SUZ12: variants seen among roughly 807,000 people sequenced by gnomAD.
The protein encoded by SUZ12 is SUZ12 polycomb repressive complex 2 subunit.
Under a neutral mutation model 87.3 loss-of-function variants are expected in SUZ12, and 17 were observed. That is an observed-to-expected ratio of 0.19 (90% CI 0.13 to 0.29). SUZ12 has a LOEUF of 0.29. Among genes scored for constraint, SUZ12 ranks in the 10% least tolerant of loss-of-function variants. The pLI, the probability that SUZ12 is intolerant of heterozygous loss-of-function variation, is 1.00. For missense variants in SUZ12, 526 were observed against 912.2 expected (o/e 0.58, Z 5.45); for synonymous variants, 253 against 312.4 (o/e 0.81, Z 2.01).
intron 14 of SUZ12, 100 bp downstream of exon 14, chr17:31,995,862 T>TTAAAAAAAAAA: frequency 1.4e-6 from 1 of 701,232 alleles, no homozygotes; most frequent in Non-Finnish European, 2.2e-6. Context: ...GAACTTTTTT[T>TTAAAAAAAAAA]AAAAAAAAAA....
At chr17:31,956,475 C>T (rs1317894637) in intron 4 of SUZ12, among the ~76,000 whole-genome samples, 3 of 152,140 alleles carry the variant, frequency 2.0e-5, no homozygotes, top group Admixed American at 6.6e-5. Context: ...AGGCATAAGC[C>T]GCCGCACCCA....
rs778244387 is a variant in SUZ12 at position 31,996,792 on chromosome 17, T to C, written c.1795-6T>C. 6.5e-7 allele frequency: 1 copy of C among 1,536,450 alleles called. No homozygotes were observed. Among genetic ancestry groups the C allele is most frequent in the Non-Finnish European group, 8.7e-7 (1 of 1,153,134 alleles). On this transcript the variant is annotated splice_region_variant and splice_polypyrimidine_tract_variant and intron_variant, in intron 14 of 15. Transcript: ENST00000322652. ...TTTAATAGGTGTTTTTCTTTCTTTT[T>C]CCCAGCAAATTGAAGAGTTTTCTGA... is the stretch of plus-strand genomic sequence containing the variant.
chr17:31,941,335 C>T lies in SUZ12; in HGVS notation c.386+849C>T, dbSNP rs1204759875. ...GTAATGGTGCAATCTCGGCTCACTG[C>T]GATCTCTGCCTCCTGGGTTTAAACG... On this transcript the variant is annotated intron_variant, in intron 3 of 15. Transcript: ENST00000322652. Among the ~76,000 whole-genome samples, 9 of 152,000 alleles carry T rather than the reference C, an allele frequency of 5.9e-5. No individual in the cohort carries two copies. In the East Asian group the frequency reaches 1.4e-3, roughly 23 times the overall value.
At chr17:31,956,939 C>A (rs1339599691) in intron 4 of SUZ12, among the ~76,000 whole-genome samples, 1 of 152,060 alleles carries the variant, frequency 6.6e-6, no homozygotes, top group Admixed American at 6.6e-5. Context: ...CCACGCCCAG[C>A]TAATGTTTGT....
At chr17:31,996,937 C>T in intron 15 of SUZ12, 60 bp downstream of exon 15, 1 of 1,055,130 alleles carries the variant, frequency 9.5e-7, no homozygotes, top group Non-Finnish European at 1.3e-6. Context: ...TTTGCTGTTT[C>T]ACATTCTAGA....
At chr17:31,944,772 G>A (rs186732307) in intron 3 of SUZ12, among the ~76,000 whole-genome samples, 5 of 152,160 alleles carry the variant, frequency 3.3e-5, no homozygotes, top group Non-Finnish European at 7.4e-5. Context: ...TTAACCTTAC[G>A]TAATTATGAA....
At chr17:31,982,061 A>G (rs546482458) in intron 8 of SUZ12, among the ~76,000 whole-genome samples, 1 of 152,360 alleles carries the variant, frequency 6.6e-6, no homozygotes, top group Non-Finnish European at 1.5e-5. Context: ...ACTAGTGTTT[A>G]AAGTATGGAA....
intron 13 of SUZ12, 151 bp downstream of exon 13, chr17:31,994,872 C>T: frequency 1.4e-6 from 1 of 702,422 alleles, no homozygotes; most frequent in East Asian, 2.9e-5. Flanking sequence ...TACTTTATAA[C>T]ACTTGATAGC....
intron 15 of SUZ12, among the ~76,000 whole-genome samples, chr17:31,998,358 C>A (rs1009299665): frequency 1.3e-5 from 2 of 152,016 alleles, no homozygotes; most frequent in Non-Finnish European, 2.9e-5. Flanking sequence ...GAATTACAGG[C>A]GTAATTACCT....
At chr17:31,957,027 C>T (rs1175554277) in intron 4 of SUZ12, among the ~76,000 whole-genome samples, 8 of 152,146 alleles carry the variant, frequency 5.3e-5, no homozygotes, top group African/African-American at 9.6e-5. Flanking sequence ...CCACCCACCT[C>T]GGCCTCCCAA....
At chr17:31,973,727 A>C (rs1314041301) in intron 6 of SUZ12, among the ~76,000 whole-genome samples, 2 of 152,116 alleles carry the variant, frequency 1.3e-5, no homozygotes, top group African/African-American at 4.8e-5. Flanking sequence ...AAGTGTTAAG[A>C]TGTTTCCTGG....
chr17:31,979,681 ATAT>A (rs1051263307), intron 8 of SUZ12, among the ~76,000 whole-genome samples: 46 of 152,324 alleles, frequency 3.0e-4, no homozygotes, highest in African/African-American at 7.7e-4. Context: ...ACAAAAGGTA[ATAT>A]TAGGTTTGAT....
chr17:31,982,525 G>C (rs1909173887), intron 8 of SUZ12, among the ~76,000 whole-genome samples: 1 of 152,140 alleles, frequency 6.6e-6, no homozygotes, highest in South Asian at 2.1e-4. Flanking sequence ...TGGGCATAGT[G>C]GCACGCGCCT....
chr17:31,998,078 A>AT (rs532761317), intron 15 of SUZ12, among the ~76,000 whole-genome samples: 9,604 of 136,534 alleles, frequency 0.07, 1,073 homozygotes, highest in African/African-American at 0.23. Context: ...TCTCTACTAA[A>AT]TTTTTTTTTT....
intron 8 of SUZ12, among the ~76,000 whole-genome samples, chr17:31,977,305 T>C (rs1488583124): frequency 6.8e-6 from 1 of 147,462 alleles, no homozygotes; most frequent in Non-Finnish European, 1.5e-5. Flanking sequence ...TAGAATAGTG[T>C]CTCACTCTAT....
intron 3 of SUZ12, among the ~76,000 whole-genome samples, chr17:31,946,773 A>G (rs1906664225): frequency 6.6e-6 from 1 of 152,212 alleles, no homozygotes; most frequent in African/African-American, 2.4e-5. Context: ...GTCATAGACC[A>G]CCTTAAGAAC....
At chr17:31,953,798 C>G (rs140270181) in intron 4 of SUZ12, among the ~76,000 whole-genome samples, 65 of 150,196 alleles carry the variant, frequency 4.3e-4, no homozygotes, top group African/African-American at 1.5e-3. Context: ...ACTGCAACCT[C>G]TAACTCCTTG....
At chr17:31,973,681 A>G (rs1012329844) in intron 6 of SUZ12, among the ~76,000 whole-genome samples, 3 of 152,102 alleles carry the variant, frequency 2.0e-5, no homozygotes, top group Non-Finnish European at 2.9e-5. Flanking sequence ...CATTGCTTCA[A>G]ATTTTTATAA....
In SUZ12 at chr17:31,999,165, T is replaced by C; in HGVS notation, c.*162T>C. 1.8e-6 allele frequency: 1 copy of C among 543,318 alleles called. No individual in the cohort carries two copies. The highest frequency in any genetic ancestry group is 3.1e-6 in the Non-Finnish European group (1 of 321,410). The allele number at this position is 543,318 out of a possible 1,614,324, so 33.7% of individuals were successfully genotyped here. A position where few individuals can be genotyped will look rare whatever the true frequency, so the allele number is the denominator to read the frequency against. ...TATTTGTATCAGGGTTCTACTTCAC[T>C]TCATTATGCAGCATTACATGTATAT... On this transcript the variant is annotated 3_prime_UTR_variant, in exon 16 of 16. Transcript: ENST00000322652.
Sources: gnomAD v4.1 joint callset for allele counts (sites outside exome capture counted in the v4.1 genomes callset) on GRCh38, gnomAD v4.1.1 for gene constraint, MANE v1.5 for transcripts, NCBI Gene and HGNC (gene_info 2026-07-23, HGNC 2026-07-21) for gene names.